The following ARHGEF28 variants were observed in gnomAD, a reference collection of about 807,000 sequenced individuals.
ARHGEF28 encodes Rho guanine nucleotide exchange factor 28.
Under a neutral mutation model 206.6 loss-of-function variants are expected in ARHGEF28, and 152 were observed. The observed-to-expected ratio is 0.74, with a 90% CI of 0.64 to 0.84. The LOEUF (loss-of-function observed/expected upper bound fraction) is 0.84, where lower values mean the gene tolerates loss of function less well. Ranked by LOEUF, ARHGEF28 falls within the 40% of genes least tolerant of loss-of-function variation. The probability of loss-of-function intolerance (pLI) is 0.00; values close to 1 mark genes in which losing one functional copy is unlikely to be tolerated. For synonymous variants in ARHGEF28, 763 were observed against 776.4 expected, an observed-to-expected ratio of 0.98 and a Z score of 0.29; for missense variants, 2,028 against 2,073.2, an observed-to-expected ratio of 0.98 and a Z score of 0.42.
chr5:73,896,481 G>A (rs888544443), intron 29 of ARHGEF28, among the ~76,000 whole-genome samples: 4 of 152,172 alleles, frequency 2.6e-5, no homozygotes, highest in African/African-American at 9.7e-5. Flanking sequence ...TCATGGGTGT[G>A]GCATGATCTT....
rs1033680084 is a variant in ARHGEF28 at position 73,841,927 on chromosome 5, A to G, written c.1427+1167A>G. Among the ~76,000 whole-genome samples the G allele has an allele frequency of 5.9e-5, 9 of 152,076 alleles. 1 individual carries two copies. Among genetic ancestry groups the G allele is most frequent in the Admixed American group, 4.6e-4 (7 of 15,268 alleles). On this transcript the variant is annotated intron_variant, in intron 11 of 35. Transcript: ENST00000513042. ...TATTTAACATATGTTTGTATTTTAT[A>G]TTTTAACATAAAATTTATCTTATAT...
At chr5:73,759,987 G>A (rs2112419547) in intron 4 of ARHGEF28, among the ~76,000 whole-genome samples, 1 of 152,310 alleles carries the variant, frequency 6.6e-6, no homozygotes, top group South Asian at 2.1e-4. Context: ...AATGGAGCGT[G>A]GCTTGTGGTT....
At chr5:73,939,259 C>T (rs1580132739) in intron 35 of ARHGEF28, among the ~76,000 whole-genome samples, 2 of 152,100 alleles carry the variant, frequency 1.3e-5, no homozygotes, top group Admixed American at 1.3e-4. Flanking sequence ...AGAGAGATGA[C>T]GAATGTAAAA....
In ARHGEF28 at chr5:73,776,755, A is replaced by G. The variant is rs550459253; in HGVS notation, c.840+59A>G. On this transcript the variant is annotated intron_variant, in intron 6 of 35. Coordinates refer to ENST00000513042, the MANE Select transcript of ARHGEF28 (RefSeq NM_001177693.2). Reference sequence around the variant, plus strand: ...CATGCTTCAGAGAATGCAGGCATCAATTTCTTATTATGAGAACAGTGTTTT... The same window carrying G: ...CATGCTTCAGAGAATGCAGGCATCAGTTTCTTATTATGAGAACAGTGTTTT... 54 of 1,464,200 alleles carry G rather than the reference A, an allele frequency of 3.7e-5. No homozygotes were observed. In the South Asian group the frequency reaches 5.2e-4, roughly 14 times the overall value. The allele number at this position is 1,464,200 out of a possible 1,614,324, so 90.7% of individuals were successfully genotyped here.
intron 35 of ARHGEF28, among the ~76,000 whole-genome samples, chr5:73,919,745 C>T (rs981049872): frequency 2.6e-5 from 4 of 152,172 alleles, no homozygotes; most frequent in African/African-American, 9.7e-5. Flanking sequence ...TAGTTTATCA[C>T]CTTAATCTCT....
At chr5:73,721,564 A>G (rs1470537382) in intron 2 of ARHGEF28, among the ~76,000 whole-genome samples, 1 of 152,076 alleles carries the variant, frequency 6.6e-6, no homozygotes, top group Non-Finnish European at 1.5e-5. Context: ...AAATTGGCTT[A>G]TTAGGCTAGC....
chr5:73,629,852 A>G (rs1195944647), intron 1 of ARHGEF28, among the ~76,000 whole-genome samples: 2 of 152,320 alleles, frequency 1.3e-5, no homozygotes, highest in Non-Finnish European at 2.9e-5. Flanking sequence ...CTTTCCCTCA[A>G]TTATAAATAA....
intron 14 of ARHGEF28, among the ~76,000 whole-genome samples, chr5:73,856,708 T>C (rs1759064137): frequency 6.6e-6 from 1 of 152,104 alleles, no homozygotes; most frequent in African/African-American, 2.4e-5. Context: ...AAATCAGTGA[T>C]TTTATTGCTT....
chr5:73,913,883 G>A (rs186128386), intron 35 of ARHGEF28, among the ~76,000 whole-genome samples: 2 of 152,290 alleles, frequency 1.3e-5, no homozygotes, highest in Admixed American at 6.5e-5. Context: ...CATAACGTCT[G>A]CCGTTCCAGG....
At chr5:73,681,719 G>A (rs1394205980) in intron 1 of ARHGEF28, among the ~76,000 whole-genome samples, 1 of 152,056 alleles carries the variant, frequency 6.6e-6, no homozygotes, top group East Asian at 1.9e-4. Context: ...CTAGGCTAAG[G>A]CACAAGAATT....
Position 73,909,595 on chromosome 5 carries a change from C to T in ARHGEF28, c.4345C>T (p.Gln1449Ter). The T allele has an allele frequency of 6.4e-7, 1 of 1,557,470 alleles. No homozygotes were observed. The part of the protein sequence containing the change: ...NVHQLQHQLQ[Q>*]EQRRWLRRCE... ...GCACCAGCTTCAGCACCAGCTCCAGCAGGAGCAGCGGCGCTGGCTGCGCAG... is the reference window on the plus strand; with the variant it reads ...GCACCAGCTTCAGCACCAGCTCCAGTAGGAGCAGCGGCGCTGGCTGCGCAG... The change falls in exon 34 of 36, where the codon CAG becomes TAG. Residue 1449 changes from glutamine to a stop codon, truncating the protein, a stop_gained. Transcript: ENST00000513042. LOFTEE classifies it high-confidence loss of function.
chr5:73,773,765 A>T, intron 4 of ARHGEF28, 90 bp from the exon 5 acceptor site: 1 of 1,189,930 alleles, frequency 8.4e-7, no homozygotes, highest in Non-Finnish European at 1.1e-6. Context: ...CATTCTTATT[A>T]TGTCTAAATA....
chr5:73,734,013 C>T (rs897086672), intron 2 of ARHGEF28, among the ~76,000 whole-genome samples: 1 of 152,098 alleles, frequency 6.6e-6, no homozygotes, highest in African/African-American at 2.4e-5. Context: ...CTCGCTATCA[C>T]AAGAACAGCA....
intron 2 of ARHGEF28, among the ~76,000 whole-genome samples, chr5:73,709,283 A>G (rs1001257140): frequency 4.6e-5 from 7 of 151,928 alleles, no homozygotes; most frequent in African/African-American, 1.7e-4. Context: ...ATCCATCTCC[A>G]CAGAACCATA....
intron 10 of ARHGEF28, among the ~76,000 whole-genome samples, chr5:73,835,685 T>C (rs1465643365): frequency 6.6e-6 from 1 of 152,094 alleles, no homozygotes; most frequent in Non-Finnish European, 1.5e-5. Flanking sequence ...TTCCCTGAGT[T>C]CTGTGAGCTG....
chr5:73,880,192 GCAAT>G (rs1760822241), intron 22 of ARHGEF28, among the ~76,000 whole-genome samples: 1 of 152,204 alleles, frequency 6.6e-6, no homozygotes, highest in Admixed American at 6.5e-5. Flanking sequence ...TGCTGTGCTA[GCAAT>G]CAGCGAGACT....
intron 10 of ARHGEF28, among the ~76,000 whole-genome samples, chr5:73,833,431 G>A (rs1475361526): frequency 6.6e-6 from 1 of 152,008 alleles, no homozygotes; most frequent in East Asian, 1.9e-4. Flanking sequence ...GTGTTACAAA[G>A]CACTGTTATA....
At chr5:73,932,265 A>T (rs1764170773) in intron 35 of ARHGEF28, among the ~76,000 whole-genome samples, 1 of 152,188 alleles carries the variant, frequency 6.6e-6, no homozygotes, top group Non-Finnish European at 1.5e-5. Flanking sequence ...CTTCATTCTG[A>T]CATACTTTTT....
At chr5:73,857,534 T>G in intron 14 of ARHGEF28, 122 bp from the exon 15 acceptor site, 1 of 1,101,570 alleles carries the variant, frequency 9.1e-7, no homozygotes. Flanking sequence ...CACTAAAACC[T>G]GAAAAAATAC....
Sources: gnomAD v4.1 joint callset for allele counts (sites outside exome capture counted in the v4.1 genomes callset) on GRCh38, gnomAD v4.1.1 for gene constraint, MANE v1.5 for transcripts, NCBI Gene and HGNC (gene_info 2026-07-23, HGNC 2026-07-21) for gene names.